The following ITPRID1 variants were observed in gnomAD, a reference collection of about 807,000 sequenced individuals.
The protein encoded by ITPRID1 is protein ITPRID1.
Under a neutral mutation model 95.4 loss-of-function variants are expected in ITPRID1, and 96 were observed. The ratio of observed to expected loss-of-function variants is 1.01; its 90% CI spans 0.85 to 1.19. The LOEUF (loss-of-function observed/expected upper bound fraction) is 1.19. Ranked by LOEUF, ITPRID1 falls within the 50% of genes most tolerant of loss-of-function variation. The probability of loss-of-function intolerance (pLI) is 0.00; values close to 1 mark genes in which losing one functional copy is unlikely to be tolerated. For missense variants in ITPRID1, 1,339 were observed against 1,252.9 expected, an observed-to-expected ratio of 1.07 and a Z score of -1.04; for synonymous variants, 510 against 453.6, an observed-to-expected ratio of 1.12 and a Z score of -1.58.
intron 1 of ITPRID1, among the ~76,000 whole-genome samples, chr7:31,540,408 A>G (rs1783896957): frequency 6.6e-6 from 1 of 152,206 alleles, no homozygotes; most frequent in African/African-American, 2.4e-5. Flanking sequence ...TATTTTGGAA[A>G]CTTGTAGCCA....
chr7:31,639,054 G>A (rs541708738), intron 10 of ITPRID1, among the ~76,000 whole-genome samples: 7 of 152,328 alleles, frequency 4.6e-5, no homozygotes, highest in African/African-American at 9.6e-5. Flanking sequence ...TGGGATTACA[G>A]GTGTGAGCCA....
chr7:31,620,109 T>C (rs1156736638), intron 10 of ITPRID1, among the ~76,000 whole-genome samples: 6 of 151,992 alleles, frequency 3.9e-5, no homozygotes, highest in Non-Finnish European at 8.8e-5. Context: ...GCCGGGAAGC[T>C]CCAACTGGGT....
chr7:31,577,566 G>A (rs190353748), intron 8 of ITPRID1, among the ~76,000 whole-genome samples: 9 of 152,284 alleles, frequency 5.9e-5, no homozygotes, highest in African/African-American at 1.9e-4. Context: ...GATGCCTACC[G>A]TTTTTAATAC....
chr7:31,550,946 G>A (rs1315785290), intron 2 of ITPRID1, among the ~76,000 whole-genome samples: 1 of 143,500 alleles, frequency 7.0e-6, no homozygotes, highest in Admixed American at 7.0e-5. Context: ...TTGGCATTAT[G>A]ATACAGAAGC....
intron 1 of ITPRID1, among the ~76,000 whole-genome samples, chr7:31,546,236 C>T (rs1414760959): frequency 4.6e-5 from 7 of 151,826 alleles, no homozygotes; most frequent in Admixed American, 2.6e-4. Context: ...TTTTTTGTTT[C>T]CTTGGCAATG....
At chr7:31,586,689 C>T (rs1380070678) in intron 10 of ITPRID1, among the ~76,000 whole-genome samples, 26 of 151,694 alleles carry the variant, frequency 1.7e-4, no homozygotes, top group East Asian at 3.9e-4. Flanking sequence ...ATGGGGTTGT[C>T]TGTTTTTTTC....
At position 31,578,056 on chromosome 7, in the gene ITPRID1, C is replaced by A. The variant is rs764175813; in HGVS notation, c.792C>A (p.Asn264Lys). ...TCTTAAGGAGAGCTTCCAAACAGAA[C>A]ATCAGGCGGGATTGTAACCCAGAGG... is the stretch of plus-strand genomic sequence containing the variant. ...GKLLRRASKQ[N>K]IRRDCNPEVS... is the part of the protein sequence containing the mutation. Residue 264 changes from asparagine to lysine, a missense_variant, in exon 9 of 15, where the codon AAC (asparagine) becomes AAA (lysine). Transcript: ENST00000615280. 4 of 1,613,870 alleles carry A rather than the reference C, an allele frequency of 2.5e-6. No individual in the cohort carries two copies. The highest frequency in any genetic ancestry group is 3.4e-6 in the Non-Finnish European group (4 of 1,179,854).
At chr7:31,546,712 C>T (rs1036862400) in intron 1 of ITPRID1, among the ~76,000 whole-genome samples, 2 of 152,034 alleles carry the variant, frequency 1.3e-5, no homozygotes, top group East Asian at 1.9e-4. Flanking sequence ...ATGATATAAA[C>T]GCTAAGATCT....
In ITPRID1 at chr7:31,578,356, GA is replaced by G; in HGVS notation, c.1094del (p.Asn365ThrfsTer40). 6.2e-7 allele frequency: 1 copy of G among 1,613,840 alleles called. No homozygotes were observed. Among genetic ancestry groups the G allele is most frequent in the Middle Eastern group, 1.7e-4 (1 of 6,058 alleles). ...CAGTCAAGGGCAGAACTCAGAAGGAGAACTTATTTCAGACTAACAAGCTCAA... is the reference window on the plus strand; with the variant it reads ...CAGTCAAGGGCAGAACTCAGAAGGAGACTTATTTCAGACTAACAAGCTCAA... ...GSVKGRTQKE[N>X]LFQTNKLKSL... is the part of the protein sequence containing the mutation. On this transcript the variant is annotated frameshift_variant, in exon 9 of 15. Transcript: ENST00000615280. LOFTEE classifies it high-confidence loss of function.
At position 31,551,781 on chromosome 7, in the gene ITPRID1, T is replaced by A. The variant is rs1234450994; in HGVS notation, c.-23-1221T>A. 11 of 284,422 alleles carry A rather than the reference T, an allele frequency of 3.9e-5. 1 individual carries two copies. Among genetic ancestry groups the A allele is most frequent in the African/African-American group, 2.4e-4 (11 of 45,500 alleles). The allele number at this position is 284,422 out of a possible 1,614,324, so 17.6% of individuals were successfully genotyped here. ...CTTTTGCAAACAGATTAGAAATGAT[T>A]TACATGTCATGTGATCAGTGATTAT... is the stretch of plus-strand genomic sequence containing the variant. On this transcript the variant is annotated intron_variant, in intron 2 of 14. Transcript: ENST00000615280.
chr7:31,584,905 G>GTGCTAGT (rs1213171456), intron 10 of ITPRID1, among the ~76,000 whole-genome samples: 1 of 152,208 alleles, frequency 6.6e-6, no homozygotes, highest in Non-Finnish European at 1.5e-5. Flanking sequence ...CAGTGATGTT[G>GTGCTAGT]TGCTAGTTTC....
At chr7:31,615,921 T>A (rs1003267093) in intron 10 of ITPRID1, among the ~76,000 whole-genome samples, 4 of 151,536 alleles carry the variant, frequency 2.6e-5, no homozygotes, top group African/African-American at 9.7e-5. Context: ...GCCTGGCTAA[T>A]TTTTTTTGTA....
intron 1 of ITPRID1, among the ~76,000 whole-genome samples, chr7:31,540,009 A>G (rs1783882594): frequency 6.6e-6 from 1 of 152,142 alleles, no homozygotes; most frequent in Admixed American, 6.6e-5. Context: ...GCAGTTTTTT[A>G]TCGAGGTGAA....
At chr7:31,525,897 C>A (rs74443766) in intron 1 of ITPRID1, among the ~76,000 whole-genome samples, 26,053 of 151,894 alleles carry the variant, frequency 0.17, 3,237 homozygotes, top group African/African-American at 0.32. Flanking sequence ...CAGTCTCAGT[C>A]ATCATTTAAT....
chr7:31,584,500 G>C (rs914731307), intron 10 of ITPRID1, among the ~76,000 whole-genome samples: 3 of 152,074 alleles, frequency 2.0e-5, no homozygotes, highest in African/African-American at 4.8e-5. Flanking sequence ...TCTATTAAGA[G>C]GTCAATTAAT....
In ITPRID1 at chr7:31,642,722, G is replaced by A. The variant is rs138418545; in HGVS notation, c.1352G>A (p.Gly451Glu). ...LPNSQSPAEN[G>E]GRKPRDQSHS... is the part of the protein sequence containing the mutation. ...AACAGCCAGAGTCCTGCTGAGAATG[G>A]AGGTAGAAAGCCAAGAGATCAGAGC... The change falls in exon 12 of 15, where the codon GGA becomes GAA. Residue 451 changes from glycine to glutamate, a missense_variant. By Grantham distance (98) the Gly-to-Glu change is moderately conservative. Coordinates refer to ENST00000615280, the MANE Select transcript of ITPRID1 (RefSeq NM_001257967.3). 2.1e-4 allele frequency: 336 copies of A among 1,613,992 alleles called. No individual in the cohort carries two copies. The highest frequency in any genetic ancestry group is 2.7e-4 in the Non-Finnish European group (316 of 1,179,890).
chr7:31,571,306 G>T (rs748148553), intron 6 of ITPRID1, among the ~76,000 whole-genome samples: 4 of 152,124 alleles, frequency 2.6e-5, no homozygotes, highest in Non-Finnish European at 5.9e-5. Context: ...GATTACAGGC[G>T]TGGCCACCAT....
At position 31,643,342 on chromosome 7, in the gene ITPRID1, C is replaced by T; in HGVS notation, c.1972C>T (p.Gln658Ter). 3.1e-6 allele frequency: 5 copies of T among 1,613,980 alleles called. No homozygotes were observed. The highest frequency in any genetic ancestry group is 4.2e-6 in the Non-Finnish European group (5 of 1,179,896). The change falls in exon 12 of 15, where the codon CAA becomes TAA. Residue 658 changes from glutamine to a stop codon, truncating the protein, a stop_gained. Transcript: ENST00000615280. LOFTEE classifies it high-confidence loss of function. ...EITPYATDLA[Q>*]TSEKLIPHLH... ...CACACCTTATGCAACTGACCTTGCT[C>T]AAACATCTGAAAAGCTCATTCCCCA...
intron 10 of ITPRID1, among the ~76,000 whole-genome samples, chr7:31,635,473 G>C (rs1177417770): frequency 6.6e-6 from 1 of 152,204 alleles, no homozygotes; most frequent in Admixed American, 6.5e-5. Flanking sequence ...TTCAAGTGAG[G>C]TTCCCAATGT....
Sources: gnomAD v4.1 joint callset for allele counts (sites outside exome capture counted in the v4.1 genomes callset) on GRCh38, gnomAD v4.1.1 for gene constraint, MANE v1.5 for transcripts, NCBI Gene and HGNC (gene_info 2026-07-23, HGNC 2026-07-21) for gene names.